LOC400499: variants seen among roughly 807,000 people sequenced by gnomAD.
At chr16:11,493,616 C>G in the LOC400499 span, 1 of 396,520 alleles carries the variant, frequency 2.5e-6, no homozygotes, top group Admixed American at 4.4e-5. Context: ...CCAACCCCAA[C>G]CCCATGAAAC....
chr16:11,492,601 G>A, the LOC400499 span, among the ~76,000 whole-genome samples: 528 of 152,044 alleles, frequency 3.5e-3, 2 homozygotes, highest in African/African-American at 0.012. Context: ...TGGCTAACAC[G>A]GTGAAACCCC....
At chr16:11,404,696 ACACT>A in the LOC400499 span, 1 of 398,976 alleles carries the variant, frequency 2.5e-6, no homozygotes, top group Non-Finnish European at 4.4e-6. Flanking sequence ...AGCCCCTCAC[ACACT>A]CACCCTGCAG....
chr16:11,462,768 G>C, the LOC400499 span, among the ~76,000 whole-genome samples: 7 of 152,128 alleles, frequency 4.6e-5, no homozygotes, highest in African/African-American at 1.7e-4. Context: ...TTAGAAACCT[G>C]TGTTACAAAC....
chr16:11,491,385 T>C, the LOC400499 span, among the ~76,000 whole-genome samples: 5 of 152,304 alleles, frequency 3.3e-5, no homozygotes, highest in African/African-American at 1.2e-4. Flanking sequence ...TGTGTCGTGA[T>C]CTGGCCAGAG....
chr16:11,446,641 G>A, the LOC400499 span: 4 of 1,536,054 alleles, frequency 2.6e-6, no homozygotes, highest in Non-Finnish European at 3.5e-6. Context: ...ACAGACCTGG[G>A]AGGGACAACC....
the LOC400499 span, among the ~76,000 whole-genome samples, chr16:11,460,761 G>A: frequency 6.6e-6 from 1 of 152,378 alleles, no homozygotes; most frequent in Non-Finnish European, 1.5e-5. Context: ...TGTCGATGGG[G>A]AGGTGTTAAG....
At chr16:11,484,930 G>A in the LOC400499 span, 1 of 399,468 alleles carries the variant, frequency 2.5e-6, no homozygotes, top group Non-Finnish European at 4.4e-6. Context: ...GACACTCGGG[G>A]CTGGCTGGCT....
the LOC400499 span, among the ~76,000 whole-genome samples, chr16:11,435,326 C>G: frequency 0.03 from 4,514 of 152,056 alleles, 153 homozygotes; most frequent in African/African-American, 0.085. Flanking sequence ...ATTGTGCAAG[C>G]TGCTCTTGAG....
At chr16:11,392,404 C>T in the LOC400499 span, 125 of 398,890 alleles carry the variant, frequency 3.1e-4, no homozygotes, top group Non-Finnish European at 4.5e-4. Flanking sequence ...GGCGTCCCAG[C>T]GGCTGGGAGG....
At chr16:11,468,322 A>G in the LOC400499 span, among the ~76,000 whole-genome samples, 1 of 152,030 alleles carries the variant, frequency 6.6e-6, no homozygotes, top group African/African-American at 2.4e-5. Flanking sequence ...ACCTTTCTCT[A>G]TTCTGAATTC....
At chr16:11,425,262 G>C in the LOC400499 span, 1 of 398,916 alleles carries the variant, frequency 2.5e-6, no homozygotes, top group Non-Finnish European at 4.4e-6. Context: ...CAGGTTCCTC[G>C]TCTGGGCCTG....
chr16:11,485,638 C>T, the LOC400499 span, among the ~76,000 whole-genome samples: 3 of 152,200 alleles, frequency 2.0e-5, no homozygotes, highest in African/African-American at 7.2e-5. Flanking sequence ...CTCCACCTTC[C>T]ATCTTTTCTT....
the LOC400499 span, among the ~76,000 whole-genome samples, chr16:11,479,648 A>T: frequency 6.6e-6 from 1 of 152,008 alleles, no homozygotes; most frequent in East Asian, 1.9e-4. Context: ...GAAAAGAAAA[A>T]AAGAAAATTT....
At chr16:11,419,093 G>A in the LOC400499 span, among the ~76,000 whole-genome samples, 1 of 148,978 alleles carries the variant, frequency 6.7e-6, no homozygotes, top group African/African-American at 2.5e-5. Context: ...TTGAGCCCAG[G>A]GGGCGGAGCT....
At chr16:11,390,263 A>C in the LOC400499 span, 1 of 1,232,684 alleles carries the variant, frequency 8.1e-7, no homozygotes, top group Non-Finnish European at 1.0e-6. Flanking sequence ...ACTACGCCCC[A>C]TCCTTGCTCA....
chr16:11,451,551 AAAACAAACAAACAAAC>A, the LOC400499 span, among the ~76,000 whole-genome samples: 2 of 149,466 alleles, frequency 1.3e-5, no homozygotes, highest in South Asian at 2.1e-4. Flanking sequence ...ACCCTGTCTC[AAAACAAACAAACAAAC>A]AAACAAACAA....
the LOC400499 span, among the ~76,000 whole-genome samples, chr16:11,480,209 G>A: frequency 6.6e-6 from 1 of 152,232 alleles, no homozygotes; most frequent in African/African-American, 2.4e-5. Context: ...TTCTCAGGAT[G>A]TGAGTCTCTA....
At chr16:11,420,276 G>A in the LOC400499 span, among the ~76,000 whole-genome samples, 49 of 151,992 alleles carry the variant, frequency 3.2e-4, no homozygotes, top group Non-Finnish European at 6.0e-4. Context: ...AAAAAATGAT[G>A]AGTTCATGTC....
chr16:11,395,025 A>G, the LOC400499 span, among the ~76,000 whole-genome samples: 1 of 152,236 alleles, frequency 6.6e-6, no homozygotes, highest in African/African-American at 2.4e-5. Flanking sequence ...CAAGTTGGTA[A>G]TAGGGCTACA....
Sources: gnomAD v4.1 joint callset for allele counts (sites outside exome capture counted in the v4.1 genomes callset) on GRCh38, gnomAD v4.1.1 for gene constraint, MANE v1.5 for transcripts.